Variants in RNF150 observed in about 807,000 individuals in gnomAD.
The protein encoded by RNF150 is ring finger protein 150.
Under a neutral mutation model 39.3 loss-of-function variants are expected in RNF150, and 24 were observed. The observed-to-expected ratio is 0.61, with a 90% CI of 0.44 to 0.86. The LOEUF (loss-of-function observed/expected upper bound fraction) is 0.86, where lower values mean the gene tolerates loss of function less well. Ranked by LOEUF, RNF150 falls within the 40% of genes least tolerant of loss-of-function variation. RNF150 has a pLI of 0.00. For synonymous variants in RNF150, 255 were observed against 227.3 expected, an observed-to-expected ratio of 1.12 and a Z score of -1.10; for missense variants, 502 against 587.8, an observed-to-expected ratio of 0.85 and a Z score of 1.51.
At chr4:141,048,507 G>T (rs373467954) in intron 1 of RNF150, among the ~76,000 whole-genome samples, 1 of 152,230 alleles carries the variant, frequency 6.6e-6, no homozygotes, top group Non-Finnish European at 1.5e-5. Context: ...AAGGCGGGAG[G>T]ACTGCATGAG....
At chr4:140,957,963 T>A (rs1272997177) in intron 2 of RNF150, among the ~76,000 whole-genome samples, 1 of 151,552 alleles carries the variant, frequency 6.6e-6, no homozygotes, top group Non-Finnish European at 1.5e-5. Context: ...TTAGTGGGTG[T>A]AGCGCACCAG....
chr4:140,912,329 A>G (rs958356144), intron 5 of RNF150, among the ~76,000 whole-genome samples: 45 of 152,186 alleles, frequency 3.0e-4, no homozygotes, highest in African/African-American at 9.9e-4. Flanking sequence ...TGGTGGAGGA[A>G]TATTGTCTTA....
intron 4 of RNF150, among the ~76,000 whole-genome samples, chr4:140,931,587 G>T (rs550830222): frequency 6.6e-6 from 1 of 152,136 alleles, no homozygotes; most frequent in Non-Finnish European, 1.5e-5. Flanking sequence ...TTTTTTATAG[G>T]ATTCACAGGA....
intron 1 of RNF150, among the ~76,000 whole-genome samples, chr4:141,125,209 C>T (rs1726717987): frequency 6.6e-6 from 1 of 152,138 alleles, no homozygotes; most frequent in Non-Finnish European, 1.5e-5. Context: ...ATTAAACAGC[C>T]TAGCAATGAA....
chr4:141,161,980 G>A (rs1270404718), intron 1 of RNF150, among the ~76,000 whole-genome samples: 1 of 152,214 alleles, frequency 6.6e-6, no homozygotes, highest in African/African-American at 2.4e-5. Context: ...GGGGAAATGT[G>A]GGATTGGAGC....
intron 1 of RNF150, among the ~76,000 whole-genome samples, chr4:140,984,682 T>C (rs1733966587): frequency 6.6e-6 from 1 of 152,174 alleles, no homozygotes; most frequent in Admixed American, 6.6e-5. Flanking sequence ...ATTTCTTTGC[T>C]TAAGTGACTT....
chr4:140,873,309 G>A (rs1433040793), intron 6 of RNF150, among the ~76,000 whole-genome samples: 1 of 152,112 alleles, frequency 6.6e-6, no homozygotes, highest in Non-Finnish European at 1.5e-5. Context: ...GTCACCAAAT[G>A]GGCTAAATCA....
intron 1 of RNF150, among the ~76,000 whole-genome samples, chr4:140,975,942 A>G (rs1029393830): frequency 6.6e-6 from 1 of 152,138 alleles, no homozygotes; most frequent in Non-Finnish European, 1.5e-5. Flanking sequence ...ATCGAATCCA[A>G]CATAATTTCC....
chr4:140,900,529 TG>T (rs1730152080), intron 6 of RNF150, among the ~76,000 whole-genome samples: 1 of 152,220 alleles, frequency 6.6e-6, no homozygotes, highest in African/African-American at 2.4e-5. Context: ...CAAGCCATTC[TG>T]CTCAGGAACT....
At chr4:140,918,928 C>A (rs953037929) in intron 5 of RNF150, among the ~76,000 whole-genome samples, 3 of 152,112 alleles carry the variant, frequency 2.0e-5, no homozygotes, top group African/African-American at 4.8e-5. Context: ...GAACCAAAGA[C>A]AAAAACCACA....
At chr4:140,935,606 T>A (rs548143226) in intron 4 of RNF150, among the ~76,000 whole-genome samples, 1 of 152,320 alleles carries the variant, frequency 6.6e-6, no homozygotes, top group African/African-American at 2.4e-5. Flanking sequence ...CCTTAAGTGA[T>A]ATATTTTACA....
chr4:140,929,016 G>A (rs1731509435), intron 4 of RNF150, among the ~76,000 whole-genome samples: 1 of 152,154 alleles, frequency 6.6e-6, no homozygotes, highest in Non-Finnish European at 1.5e-5. Flanking sequence ...GCACACAGTT[G>A]ATGCTTAAGT....
intron 6 of RNF150, among the ~76,000 whole-genome samples, chr4:140,889,269 A>G (rs929191117): frequency 1.3e-5 from 2 of 152,158 alleles, no homozygotes. Flanking sequence ...CTTTTGATAA[A>G]ATTAAAAATC....
chr4:141,104,635 T>C (rs936209570), intron 1 of RNF150, among the ~76,000 whole-genome samples: 9 of 152,246 alleles, frequency 5.9e-5, no homozygotes, highest in African/African-American at 9.6e-5. Context: ...CAATTGATGA[T>C]TCTATTCAAT....
intron 1 of RNF150, among the ~76,000 whole-genome samples, chr4:141,053,017 G>T (rs1272209234): frequency 1.3e-5 from 2 of 152,074 alleles, no homozygotes; most frequent in Admixed American, 1.3e-4. Context: ...TAAAAATGGG[G>T]TAATAATAAC....
chr4:141,053,768 T>G, intron 1 of RNF150: 9 of 1,128,308 alleles, frequency 8.0e-6, no homozygotes, highest in South Asian at 2.4e-5. Context: ...GAAAACGAGA[T>G]AAGTGATCCA....
chr4:140,877,748 A>T (rs1729213661), intron 6 of RNF150, among the ~76,000 whole-genome samples: 1 of 152,246 alleles, frequency 6.6e-6, no homozygotes, highest in Non-Finnish European at 1.5e-5. Flanking sequence ...TGTAAATAAA[A>T]TGTTAAGGAA....
chr4:141,055,494 C>T (rs1707621576), intron 1 of RNF150, among the ~76,000 whole-genome samples: 1 of 152,026 alleles, frequency 6.6e-6, no homozygotes, highest in South Asian at 2.1e-4. Context: ...AAGCCTCATG[C>T]TTCTTAAAAG....
chr4:140,995,411 T>A (rs1057081128), intron 1 of RNF150, among the ~76,000 whole-genome samples: 3 of 152,166 alleles, frequency 2.0e-5, no homozygotes, highest in African/African-American at 7.2e-5. Context: ...CCACTTTTAG[T>A]TATATACAAA....
Sources: allele counts gnomAD v4.1 joint callset (sites outside exome capture counted in the v4.1 genomes callset), GRCh38; gene constraint gnomAD v4.1.1; transcripts MANE v1.5; gene names NCBI Gene and HGNC (gene_info 2026-07-23, HGNC 2026-07-21).